TM7SF3: variants seen among roughly 807,000 people sequenced by gnomAD.
TM7SF3 encodes the protein transmembrane 7 superfamily member 3.
Under a neutral mutation model 65.5 loss-of-function variants are expected in TM7SF3, and 60 were observed. The ratio of observed to expected loss-of-function variants is 0.92; its 90% CI spans 0.74 to 1.14. The LOEUF is 1.14. TM7SF3 is among the 50% of genes most tolerant of loss of function. The pLI is 0.00. For synonymous variants in TM7SF3, 264 were observed against 259.6 expected, an observed-to-expected ratio of 1.02 and a Z score of -0.16; for missense variants, 623 against 684.8, an observed-to-expected ratio of 0.91 and a Z score of 1.01.
At chr12:26,992,347 C>T (rs1057294178) in intron 5 of TM7SF3, among the ~76,000 whole-genome samples, 2 of 152,052 alleles carry the variant, frequency 1.3e-5, no homozygotes, top group Non-Finnish European at 2.9e-5. Context: ...ACGATCATCT[C>T]GGCTCACTGC....
chr12:26,995,320 C>G lies in TM7SF3; in HGVS notation c.607G>C (p.Glu203Gln), dbSNP rs776648473. The stretch of plus-strand genomic sequence containing the variant: ...AACATCTCCTCAGTGAGGTCATTCT[C>G]AGGCAGAAAATACTGATAGACATCA... ...QYDVYQYFLPENDLTEEMLLK... is the reference protein window; with the variant it reads ...QYDVYQYFLPQNDLTEEMLLK... The change falls in exon 5 of 12, where the codon GAG becomes CAG. Residue 203 changes from glutamate (E) to glutamine (Q), a missense_variant. Glu to Gln is a conservative substitution (Grantham distance 29, BLOSUM62 2). Transcript: ENST00000343028. 15 of 1,614,060 alleles carry G rather than the reference C, an allele frequency of 9.3e-6. No individual in the cohort carries two copies. The highest frequency in any genetic ancestry group is 1.3e-5 in the Non-Finnish European group (15 of 1,180,054).
At position 26,971,819 on chromosome 12, in the gene TM7SF3, T is replaced by C. The variant is rs1412168923; in HGVS notation, c.*2146A>G. On this transcript the variant is annotated 3_prime_UTR_variant, in exon 12 of 12. Coordinates refer to ENST00000343028, the MANE Select transcript of TM7SF3 (RefSeq NM_016551.3). ...GTTTCAGTGTTACTGAAGTTAATTA[T>C]AGACAGTAAGGATTACAGAATAAGC... The C allele has an allele frequency of 1.3e-5, 2 of 152,220 alleles. No homozygotes were observed. The highest frequency in any genetic ancestry group is 2.9e-5 in the Non-Finnish European group (2 of 68,036). 9.4% of individuals were successfully genotyped at this position (152,220 alleles called of 1,614,324 possible).
intron 6 of TM7SF3, among the ~76,000 whole-genome samples, chr12:26,989,695 C>A (rs1422571934): frequency 6.6e-6 from 1 of 151,902 alleles, no homozygotes; most frequent in African/African-American, 2.4e-5. Context: ...ACACCCCTCA[C>A]AACACCTTCA....
chr12:26,990,816 C>T (rs1439662963), intron 5 of TM7SF3, among the ~76,000 whole-genome samples, 189 bp from the exon 6 acceptor site: 1 of 151,924 alleles, frequency 6.6e-6, no homozygotes, highest in Non-Finnish European at 1.5e-5. Flanking sequence ...TGTAAACAAG[C>T]TCTCACACAA....
chr12:26,974,344 T>G, intron 11 of TM7SF3, 117 bp from the exon 12 acceptor site: 1 of 1,135,762 alleles, frequency 8.8e-7, no homozygotes, highest in South Asian at 1.6e-5. Context: ...TTCTGGTGAG[T>G]TAGTCCAAAC....
intron 9 of TM7SF3, chr12:26,978,088 C>A: frequency 2.2e-6 from 1 of 452,546 alleles, no homozygotes; most frequent in Non-Finnish European, 4.4e-6. Context: ...AGAAAGAGAT[C>A]CTGTCTCTAA....
At chr12:26,978,744 AT>A (rs4036423) in intron 9 of TM7SF3, 52,019 of 141,260 alleles carry the variant, frequency 0.37, 10,382 homozygotes, top group Non-Finnish European at 0.47. Flanking sequence ...CACCTGGCTA[AT>A]TTTTTTTTTT....
rs1216795426 is a variant in TM7SF3 at position 26,974,208 on chromosome 12, T to C, written c.1470A>G (p.Val490=). The C allele has an allele frequency of 1.2e-6, 2 of 1,613,996 alleles. No individual in the cohort carries two copies. The highest frequency in any genetic ancestry group is 2.2e-5 in the East Asian group (1 of 44,898). The change falls in exon 12 of 12, where the codon GTA becomes GTG. Residue 490 remains valine (V), a synonymous_variant. Coordinates refer to ENST00000343028, the MANE Select transcript of TM7SF3 (RefSeq NM_016551.3). ...TTCCACTTACAGCCAGCATGCCCCATACTGCCAGGATAATGAAGTCTAAAA... is the reference window on the plus strand; with the variant it reads ...TTCCACTTACAGCCAGCATGCCCCACACTGCCAGGATAATGAAGTCTAAAA... The part of the protein sequence containing the change: ...FQTNDFIILA[V]WGMLAVSGIT...
chr12:26,977,289 A>G (rs1939608332), intron 9 of TM7SF3, among the ~76,000 whole-genome samples: 1 of 152,250 alleles, frequency 6.6e-6, no homozygotes, highest in African/African-American at 2.4e-5. Context: ...CTTTCTTGTA[A>G]AAGGCTTTCA....
rs71437315 is a variant in TM7SF3 at position 27,006,140 on chromosome 12, C to CTTTTTTT, written c.92-2757_92-2751dup. Among the ~76,000 whole-genome samples, 17 of 122,094 alleles carry CTTTTTTT rather than the reference C, an allele frequency of 1.4e-4. 1 individual carries two copies. Among genetic ancestry groups the CTTTTTTT allele is most frequent in the South Asian group, 2.6e-4 (1 of 3,828 alleles). The allele number at this position is 122,094 out of a possible 152,430, so 80.1% of individuals were successfully genotyped here. A position where few individuals can be genotyped will look rare whatever the true frequency, so the allele number is the denominator to read the frequency against. ...TACACTTGTCCTTCTTTTTCTTTTTCTTTTTTTTTTTTTTTTTGAGACAGA... is the reference window on the plus strand; with the variant it reads ...TACACTTGTCCTTCTTTTTCTTTTTCTTTTTTTTTTTTTTTTTTTTTTTTGAGACAGA... On this transcript the variant is annotated intron_variant, in intron 1 of 11. Transcript: ENST00000343028.
chr12:26,992,270 T>TTATTA (rs1565878005), intron 5 of TM7SF3, among the ~76,000 whole-genome samples: 7 of 151,318 alleles, frequency 4.6e-5, no homozygotes, highest in African/African-American at 1.5e-4. Context: ...ATTTTATTTT[T>TTATTA]TTATTATTAT....
chr12:26,985,621 C>CAAA (rs544145636), intron 6 of TM7SF3, among the ~76,000 whole-genome samples: 27 of 61,056 alleles, frequency 4.4e-4, no homozygotes, highest in Non-Finnish European at 6.3e-4. Flanking sequence ...GTGAGACTGT[C>CAAA]AAAAAAAAAA....
intron 1 of TM7SF3, among the ~76,000 whole-genome samples, chr12:27,010,917 C>T (rs1941220885): frequency 6.6e-6 from 1 of 152,164 alleles, no homozygotes; most frequent in South Asian, 2.1e-4. Flanking sequence ...ATCTGGCAAC[C>T]ATAAAAATTT....
chr12:27,004,114 C>CATCT (rs1940940778), intron 1 of TM7SF3, among the ~76,000 whole-genome samples: 1 of 152,168 alleles, frequency 6.6e-6, no homozygotes, highest in South Asian at 2.1e-4. Context: ...AGGCCTGTCC[C>CATCT]ATCTGTCTAC....
chr12:27,001,366 T>A (rs1428917774), intron 2 of TM7SF3, among the ~76,000 whole-genome samples: 1 of 152,246 alleles, frequency 6.6e-6, no homozygotes, highest in African/African-American at 2.4e-5. Flanking sequence ...CATCTCTTTA[T>A]CCAAGTTCTG....
chr12:27,003,204 T>C lies in TM7SF3; in HGVS notation c.246+32A>G, dbSNP rs371785919. 1.2e-5 allele frequency: 19 copies of C among 1,525,930 alleles called. No individual in the cohort carries two copies. In the African/African-American group the frequency reaches 1.4e-4, roughly 11 times the overall value. 94.5% of individuals were successfully genotyped at this position (1,525,930 alleles called of 1,614,324 possible). The stretch of plus-strand genomic sequence containing the variant: ...ATACCAGACCCCCAAAATATAGAAA[T>C]GATTTTTACTAAAATAATTCTTTGC... On this transcript the variant is annotated intron_variant, in intron 2 of 11. Transcript: ENST00000343028.
intron 1 of TM7SF3, among the ~76,000 whole-genome samples, chr12:27,008,981 C>T (rs961555561): frequency 4.6e-5 from 7 of 152,204 alleles, no homozygotes; most frequent in African/African-American, 1.4e-4. Context: ...TGTACCTACA[C>T]TTGTGCTCCA....
At chr12:26,990,276 G>C (rs1940291113) in intron 6 of TM7SF3, among the ~76,000 whole-genome samples, 174 bp downstream of exon 6, 1 of 152,034 alleles carries the variant, frequency 6.6e-6, no homozygotes, top group African/African-American at 2.4e-5. Context: ...TATAATATAA[G>C]CTCCAGAACA....
chr12:27,014,106 T>C lies in TM7SF3; in HGVS notation c.63A>G (p.Ala21=), dbSNP rs933533577. The C allele has an allele frequency of 6.4e-7, 1 of 1,573,242 alleles. No homozygotes were observed. The highest frequency in any genetic ancestry group is 1.2e-5 in the South Asian group (1 of 85,676). Residue 21 remains alanine (A), a synonymous_variant, in exon 1 of 12, where the codon GCA becomes GCG. Coordinates refer to ENST00000343028, the MANE Select transcript of TM7SF3 (RefSeq NM_016551.3). ...VLASEHRVAG[A]AEVFGNSSEG... ...CGCTGGAATTCCCGAAGACCTCGGC[T>C]GCACCAGCCACCCGGTGTTCGGATG...
Sources: gnomAD v4.1 joint callset for allele counts (sites outside exome capture counted in the v4.1 genomes callset) on GRCh38, gnomAD v4.1.1 for gene constraint, MANE v1.5 for transcripts, NCBI Gene and HGNC (gene_info 2026-07-23, HGNC 2026-07-21) for gene names.